Variants in TRAPPC9 observed in about 807,000 individuals in gnomAD.
TRAPPC9 encodes the protein IKK2 binding protein.
In TRAPPC9, 83 loss-of-function variants were observed where a neutral mutation model predicts 124.0. The ratio of observed to expected loss-of-function variants is 0.67; its 90% CI spans 0.56 to 0.80. The LOEUF (loss-of-function observed/expected upper bound fraction) is 0.80, where lower values mean the gene tolerates loss of function less well. Ranked by LOEUF, TRAPPC9 falls within the 30% of genes least tolerant of loss-of-function variation. TRAPPC9 has a pLI of 0.00. For missense variants in TRAPPC9, 1,302 were observed against 1,508.3 expected (o/e 0.86, Z 2.27); for synonymous variants, 638 against 617.5 (o/e 1.03, Z -0.49).
At chr8:140,046,981 G>C (rs184944434) in intron 17 of TRAPPC9, among the ~76,000 whole-genome samples, 1 of 152,188 alleles carries the variant, frequency 6.6e-6, no homozygotes. Flanking sequence ...GCCTAGAAAG[G>C]TTCCCGTGGC....
chr8:139,851,954 A>T (rs779485348), intron 21 of TRAPPC9, among the ~76,000 whole-genome samples: 2 of 152,078 alleles, frequency 1.3e-5, no homozygotes. Context: ...GGAATGAAGG[A>T]CGTCTCTGAT....
intron 4 of TRAPPC9, among the ~76,000 whole-genome samples, chr8:140,429,088 T>G (rs2070534835): frequency 6.7e-6 from 1 of 148,866 alleles, no homozygotes; most frequent in Admixed American, 6.7e-5. Context: ...CTGTTTTTGT[T>G]TTTTTTTTTT....
chr8:139,750,434 G>A (rs566081227), intron 21 of TRAPPC9, among the ~76,000 whole-genome samples: 2 of 152,118 alleles, frequency 1.3e-5, no homozygotes, highest in Admixed American at 6.5e-5. Flanking sequence ...TCAGGCTGCC[G>A]CCCCTTTGTA....
At chr8:139,794,661 C>T (rs912315310) in intron 21 of TRAPPC9, among the ~76,000 whole-genome samples, 2 of 152,218 alleles carry the variant, frequency 1.3e-5, no homozygotes, top group African/African-American at 4.8e-5. Context: ...GTTCCTGGCA[C>T]TCCCTCTCCA....
At chr8:139,844,849 G>A (rs1826968341) in intron 21 of TRAPPC9, among the ~76,000 whole-genome samples, 1 of 152,198 alleles carries the variant, frequency 6.6e-6, no homozygotes. Context: ...CTTTGCCCGG[G>A]GCCCCCAGCT....
intron 17 of TRAPPC9, among the ~76,000 whole-genome samples, chr8:140,113,377 C>T (rs1299123495): frequency 2.6e-5 from 4 of 152,246 alleles, no homozygotes; most frequent in Admixed American, 2.0e-4. Context: ...GCAGGCAGCA[C>T]ACAGAAGGTG....
intron 11 of TRAPPC9, among the ~76,000 whole-genome samples, chr8:140,295,419 G>A (rs527558132): frequency 6.1e-4 from 93 of 152,332 alleles, no homozygotes; most frequent in African/African-American, 2.0e-3. Flanking sequence ...GGGCCAGGGT[G>A]CAGCCCAAGT....
intron 21 of TRAPPC9, among the ~76,000 whole-genome samples, chr8:139,839,431 C>G (rs1009457203): frequency 1.3e-5 from 2 of 152,200 alleles, no homozygotes; most frequent in Non-Finnish European, 2.9e-5. Context: ...AGGGGACAGA[C>G]AGGCCACCAG....
In TRAPPC9 at chr8:140,331,779, T is replaced by A. The variant is rs137940264; in HGVS notation, c.1496-20405A>T. On this transcript the variant is annotated intron_variant, in intron 9 of 22. Coordinates refer to ENST00000438773, the MANE Select transcript of TRAPPC9 (RefSeq NM_001160372.4). ...TGCAAATCAAAACCACAGTGAGAGATCATCTCACCCCAGCAAGAATGGCTG... is the reference window on the plus strand; with the variant it reads ...TGCAAATCAAAACCACAGTGAGAGAACATCTCACCCCAGCAAGAATGGCTG... 3.9e-4 allele frequency among the ~76,000 whole-genome samples: 60 copies of A among 152,196 alleles called. 1 individual carries two copies. In the East Asian group the frequency reaches 5.4e-3, roughly 14 times the overall value.
chr8:139,830,606 C>T (rs553220282), intron 21 of TRAPPC9, among the ~76,000 whole-genome samples: 5 of 151,588 alleles, frequency 3.3e-5, no homozygotes, highest in East Asian at 3.9e-4. Flanking sequence ...CACACGCATA[C>T]ACCACACGCA....
chr8:140,278,266 G>A (rs1032124844), intron 14 of TRAPPC9, among the ~76,000 whole-genome samples: 1 of 152,154 alleles, frequency 6.6e-6, no homozygotes, highest in Non-Finnish European at 1.5e-5. Context: ...ACCATGCCCA[G>A]CTAATTTTTT....
At chr8:140,123,476 TC>T (rs1268531201) in intron 17 of TRAPPC9, among the ~76,000 whole-genome samples, 1 of 152,046 alleles carries the variant, frequency 6.6e-6, no homozygotes, top group Non-Finnish European at 1.5e-5. Flanking sequence ...ACATCTGCTC[TC>T]CCTGCCCTGC....
intron 16 of TRAPPC9, among the ~76,000 whole-genome samples, chr8:140,237,063 C>T (rs988913146): frequency 6.6e-6 from 1 of 152,074 alleles, no homozygotes; most frequent in African/African-American, 2.4e-5. Context: ...CGCATGTAGT[C>T]CCAGCTACTG....
At chr8:139,928,504 A>C (rs1013293799) in intron 19 of TRAPPC9, among the ~76,000 whole-genome samples, 1 of 151,090 alleles carries the variant, frequency 6.6e-6, no homozygotes, top group African/African-American at 2.4e-5. Flanking sequence ...AAAAAAAAAG[A>C]AAATAACAAA....
intron 17 of TRAPPC9, among the ~76,000 whole-genome samples, chr8:140,153,750 C>T (rs1485767794): frequency 1.3e-5 from 2 of 152,188 alleles, no homozygotes; most frequent in East Asian, 3.9e-4. Context: ...CATTCAATTG[C>T]TAAAAACCTT....
At chr8:140,403,744 G>A (rs921899197) in intron 6 of TRAPPC9, among the ~76,000 whole-genome samples, 4 of 148,208 alleles carry the variant, frequency 2.7e-5, no homozygotes, top group East Asian at 4.0e-4. Flanking sequence ...TGCAACTTCC[G>A]CCTCCAGGGC....
intron 19 of TRAPPC9, among the ~76,000 whole-genome samples, chr8:139,935,430 G>T (rs1336064568): frequency 6.6e-6 from 1 of 152,132 alleles, no homozygotes; most frequent in Non-Finnish European, 1.5e-5. Flanking sequence ...ATCCCATGAC[G>T]TTCTTACAGG....
At chr8:140,023,054 G>A (rs566906572) in intron 18 of TRAPPC9, among the ~76,000 whole-genome samples, 4 of 151,742 alleles carry the variant, frequency 2.6e-5, no homozygotes, top group East Asian at 2.0e-4. Flanking sequence ...TCCCCCCACC[G>A]CCCCCTTCGA....
intron 19 of TRAPPC9, among the ~76,000 whole-genome samples, chr8:139,941,118 GACACTGAAGA>G (rs1374715519): frequency 6.6e-6 from 1 of 152,230 alleles, no homozygotes; most frequent in Non-Finnish European, 1.5e-5. Flanking sequence ...CTCAGCTGCA[GACACTGAAGA>G]ACAGGGCAGC....
Sources: gnomAD v4.1 joint callset for allele counts (sites outside exome capture counted in the v4.1 genomes callset) on GRCh38, gnomAD v4.1.1 for gene constraint, MANE v1.5 for transcripts, NCBI Gene and HGNC (gene_info 2026-07-23, HGNC 2026-07-21) for gene names.